LARP1: variants seen among roughly 807,000 people sequenced by gnomAD.
LARP1 encodes the protein La ribonucleoprotein 1, translational regulator, also known as la-related protein 1.
Under a neutral mutation model 122.7 loss-of-function variants are expected in LARP1, and 36 were observed. That is an observed-to-expected ratio of 0.29 (90% confidence interval 0.22 to 0.39). LARP1 has a LOEUF of 0.39. Ranked by LOEUF, LARP1 falls within the 10% of genes least tolerant of loss-of-function variation. LARP1 has a pLI of 1.00. For synonymous variants in LARP1, 539 were observed against 528.7 expected (o/e 1.02, Z -0.27); for missense variants, 1,040 against 1,403.6 (o/e 0.74, Z 4.14).
chr5:154,799,495 A>T, intron 8 of LARP1, 96 bp from the exon 9 acceptor site: 1 of 1,314,478 alleles, frequency 7.6e-7, no homozygotes. Flanking sequence ...CATTGGACTC[A>T]TACCAAGCTC....
At chr5:154,812,167 A>C (rs1010449822) in intron 18 of LARP1, among the ~76,000 whole-genome samples, 2 of 152,160 alleles carry the variant, frequency 1.3e-5, no homozygotes, top group Non-Finnish European at 2.9e-5. Context: ...GGTGCTTTAG[A>C]GATAAGGGAA....
intron 1 of LARP1, among the ~76,000 whole-genome samples, chr5:154,717,028 C>A (rs1446973275): frequency 2.0e-5 from 3 of 149,284 alleles, no homozygotes; most frequent in Non-Finnish European, 4.4e-5. Flanking sequence ...CTGCTGTACT[C>A]CAGCCTGGGT....
At chr5:154,744,852 T>C (rs1177359463) in intron 1 of LARP1, among the ~76,000 whole-genome samples, 4 of 134,790 alleles carry the variant, frequency 3.0e-5, no homozygotes, top group South Asian at 2.4e-4. Flanking sequence ...TTAGCCGGGA[T>C]GGTCTCGATC....
In LARP1 at chr5:154,803,657, G is replaced by A. The variant is rs766791311; in HGVS notation, c.2351G>A (p.Arg784His). The A allele has an allele frequency of 1.2e-5, 20 of 1,613,930 alleles. No individual in the cohort carries two copies. The highest frequency in any genetic ancestry group is 2.2e-5 in the South Asian group (2 of 91,064). ...AACTACCGCAACACCAGGACCCCTC[G>A]CACTCCCCGGACACCACAGCTCAAA... ...SPNYRNTRTP[R>H]TPRTPQLKDS... Residue 784 changes from arginine to histidine, a missense_variant, in exon 13 of 19, where the codon CGC becomes CAC. Transcript: ENST00000518297. The surrounding 1 kb of genome is among the most constrained non-coding windows in gnomAD (Gnocchi z 4.4).
At chr5:154,703,744 C>T (rs1045864600) in intron 1 of LARP1, among the ~76,000 whole-genome samples, 10 of 152,062 alleles carry the variant, frequency 6.6e-5, no homozygotes, top group South Asian at 4.2e-4. Context: ...CCTTAGCCTC[C>T]GGAGTAGCTG....
chr5:154,695,111 C>T (rs959111312), intron 1 of LARP1, among the ~76,000 whole-genome samples: 6 of 152,112 alleles, frequency 3.9e-5, no homozygotes, highest in Non-Finnish European at 5.9e-5. Flanking sequence ...GTCAGCAGAT[C>T]GAGACCAATC....
At position 154,722,678 on chromosome 5, in the gene LARP1, G is replaced by GTT. The variant is rs11315331; in HGVS notation, c.205+9567_205+9568dup. 7.6e-4 allele frequency among the ~76,000 whole-genome samples: 75 copies of GTT among 99,132 alleles called. 1 individual carries two copies. The highest frequency in any genetic ancestry group is 2.1e-3 in the South Asian group (6 of 2,896). The allele number at this position is 99,132 out of a possible 152,430, so 65.0% of individuals were successfully genotyped here. On this transcript the variant is annotated intron_variant, in intron 1 of 18. Coordinates refer to the LARP1 transcript ENST00000336314. Reference sequence around the variant, plus strand: ...AAGGGACCTCATGCATCTTTCCTAGGTTTTTTTTTTTTTTTTTTTTGAGAC... The same window carrying GTT: ...AAGGGACCTCATGCATCTTTCCTAGGTTTTTTTTTTTTTTTTTTTTTTGAGAC...
intron 1 of LARP1, among the ~76,000 whole-genome samples, chr5:154,766,335 A>T (rs1373895848): frequency 6.6e-6 from 1 of 152,196 alleles, no homozygotes; most frequent in Non-Finnish European, 1.5e-5. Context: ...AGAATAGGTG[A>T]TTTGGGGTTT....
intron 1 of LARP1, among the ~76,000 whole-genome samples, chr5:154,740,073 CCA>C (rs1757140424): frequency 6.9e-6 from 1 of 145,758 alleles, no homozygotes; most frequent in Admixed American, 6.9e-5. Flanking sequence ...AAAAAACACA[CCA>C]CACACACAAA....
chr5:154,735,559 T>G (rs1322714620), intron 1 of LARP1, among the ~76,000 whole-genome samples: 1 of 149,540 alleles, frequency 6.7e-6, no homozygotes, highest in African/African-American at 2.5e-5. Context: ...ATTTATTTAT[T>G]TATTTATTTA....
intron 14 of LARP1, 106 bp from the exon 15 acceptor site, chr5:154,805,775 G>T: frequency 8.1e-7 from 1 of 1,228,252 alleles, no homozygotes; most frequent in South Asian, 1.4e-5. Flanking sequence ...TTGATACCCT[G>T]TGAGAGGATG....
Position 154,814,118 on chromosome 5 carries a change from T to G in LARP1, c.*22T>G, listed in dbSNP as rs772634440. 45 of 1,612,784 alleles carry G rather than the reference T, an allele frequency of 2.8e-5. No homozygotes were observed. In the South Asian group the frequency reaches 4.9e-4, roughly 18 times the overall value. On this transcript the variant is annotated 3_prime_UTR_variant, in exon 19 of 19. Transcript: ENST00000518297. ...GTGAAAAGCTCCTTAGCCCTGGGGC[T>G]TGAGGGGGGAAAGGGGTAGGGTGGG... is the stretch of plus-strand genomic sequence containing the variant.
chr5:154,715,026 A>C (rs1755414002), intron 1 of LARP1, among the ~76,000 whole-genome samples: 1 of 151,762 alleles, frequency 6.6e-6, no homozygotes, highest in Non-Finnish European at 1.5e-5. Context: ...AAAAATACAA[A>C]AAAATTAGCT....
intron 1 of LARP1, among the ~76,000 whole-genome samples, chr5:154,726,739 C>A (rs1307905679): frequency 6.6e-6 from 1 of 152,152 alleles, no homozygotes; most frequent in Non-Finnish European, 1.5e-5. Context: ...TGAAGAAAGA[C>A]CTGAGACTGG....
intron 1 of LARP1, among the ~76,000 whole-genome samples, chr5:154,717,874 T>TACAC (rs140858107): frequency 3.3e-5 from 5 of 150,864 alleles, no homozygotes; most frequent in East Asian, 1.9e-4. Context: ...CTGACACATA[T>TACAC]ACACACACAC....
At chr5:154,787,159 G>A (rs1582409150) in intron 1 of LARP1, among the ~76,000 whole-genome samples, 1 of 152,324 alleles carries the variant, frequency 6.6e-6, no homozygotes, top group South Asian at 2.1e-4. Flanking sequence ...GATTACAGGC[G>A]TGAGCCACCG....
intron 1 of LARP1, among the ~76,000 whole-genome samples, chr5:154,716,082 C>T (rs375206986): frequency 2.2e-4 from 34 of 152,194 alleles, no homozygotes; most frequent in African/African-American, 7.7e-4. Flanking sequence ...CTGCAGTTCT[C>T]GGTTGTGTTT....
intron 1 of LARP1, among the ~76,000 whole-genome samples, chr5:154,686,104 A>G (rs1753928814): frequency 6.6e-6 from 1 of 152,228 alleles, no homozygotes; most frequent in African/African-American, 2.4e-5. Context: ...TCTAGGCTGT[A>G]TCACTAGTGC....
chr5:154,700,997 T>G (rs1754686803), intron 1 of LARP1, among the ~76,000 whole-genome samples: 2 of 152,066 alleles, frequency 1.3e-5, no homozygotes, highest in South Asian at 2.1e-4. Context: ...TTTGTAGAGA[T>G]AGCATCTCGC....
Sources: gnomAD v4.1 joint callset for allele counts (sites outside exome capture counted in the v4.1 genomes callset) on GRCh38, gnomAD v4.1.1 for gene constraint, Gnocchi (gnomAD v3.1) non-coding constraint, MANE v1.5 for transcripts, NCBI Gene and HGNC (gene_info 2026-07-23, HGNC 2026-07-21) for gene names.